Variants in COL4A2 observed in about 807,000 individuals in gnomAD.
COL4A2 encodes collagen alpha-2(IV) chain.
COL4A2 carries 99 observed loss-of-function variants against 200.2 expected under a neutral mutation model. That is an observed-to-expected ratio of 0.49 (90% CI 0.42 to 0.58). The LOEUF is 0.58. COL4A2 is among the 20% of genes least tolerant of loss of function. The pLI is 0.00. For missense variants in COL4A2, 1,950 were observed against 2,314.1 expected (o/e 0.84, Z 3.23); for synonymous variants, 897 against 900.6 (o/e 1.00, Z 0.07).
rs12874316 is a variant in COL4A2 at position 110,497,897 on chromosome 13, C to G, written c.3760+2430C>G. Among the ~76,000 whole-genome samples the G allele has an allele frequency of 3.8e-3, 170 of 44,170 alleles. 16 individuals carry two copies. The highest frequency in any genetic ancestry group is 0.019 in the African/African-American group (152 of 7,884). 29.0% of individuals were successfully genotyped at this position (44,170 alleles called of 152,430 possible). A position where few individuals can be genotyped will look rare whatever the true frequency, so the allele number is the denominator to read the frequency against. ...GGGGTGAGGATCTGGGGTCAGTCCA[C>G]CAGCACAGCCTCAGTCAGGGGTGAG... On this transcript the variant is annotated intron_variant, in intron 40 of 47. Transcript: ENST00000360467.
chr13:110,394,323 G>T (rs1039414358), intron 4 of COL4A2, among the ~76,000 whole-genome samples: 1 of 152,176 alleles, frequency 6.6e-6, no homozygotes, highest in African/African-American at 2.4e-5. Flanking sequence ...GAGCAGAGAG[G>T]CTCAGTAGTT....
At chr13:110,326,737 G>T (rs1267663785) in intron 3 of COL4A2, among the ~76,000 whole-genome samples, 1 of 152,144 alleles carries the variant, frequency 6.6e-6, no homozygotes, top group African/African-American at 2.4e-5. Context: ...GTGCCCAGTG[G>T]AACCCCCTAC....
intron 4 of COL4A2, among the ~76,000 whole-genome samples, chr13:110,360,319 T>C (rs1877461614): frequency 6.6e-6 from 1 of 152,240 alleles, no homozygotes; most frequent in African/African-American, 2.4e-5. Context: ...TTTCACTTTC[T>C]ATGATTATTT....
At chr13:110,387,474 T>C (rs912916773) in intron 4 of COL4A2, among the ~76,000 whole-genome samples, 4 of 152,096 alleles carry the variant, frequency 2.6e-5, no homozygotes, top group African/African-American at 9.7e-5. Context: ...CTGAAATGTG[T>C]AGGGACAAGG....
At chr13:110,346,658 G>T (rs1053318069) in intron 3 of COL4A2, among the ~76,000 whole-genome samples, 10 of 152,162 alleles carry the variant, frequency 6.6e-5, no homozygotes, top group Admixed American at 2.6e-4. Context: ...CACCTGTGCT[G>T]CCCAGCTCAA....
chr13:110,396,861 T>G (rs990261762), intron 4 of COL4A2, among the ~76,000 whole-genome samples: 1 of 152,224 alleles, frequency 6.6e-6, no homozygotes, highest in African/African-American at 2.4e-5. Flanking sequence ...TTTTTTAAAC[T>G]GTTGAACGTG....
chr13:110,420,461 C>T (rs1309996880), intron 4 of COL4A2, among the ~76,000 whole-genome samples: 18 of 85,558 alleles, frequency 2.1e-4, no homozygotes, highest in East Asian at 5.6e-4. Context: ...CTGTCCACAG[C>T]GTCTCCTGGC....
intron 38 of COL4A2, among the ~76,000 whole-genome samples, chr13:110,492,553 G>A (rs1883318842): frequency 2.0e-5 from 3 of 152,206 alleles, no homozygotes. Flanking sequence ...CCTCCTTACA[G>A]CCCCGAGACG....
intron 3 of COL4A2, among the ~76,000 whole-genome samples, chr13:110,336,851 G>A (rs1460220490): frequency 1.3e-5 from 2 of 152,228 alleles, no homozygotes; most frequent in Non-Finnish European, 2.9e-5. Context: ...CTCTGAAGCA[G>A]TTCATGGGAA....
intron 24 of COL4A2, among the ~76,000 whole-genome samples, chr13:110,464,822 G>A (rs1882170325): frequency 1.3e-5 from 2 of 152,088 alleles, no homozygotes; most frequent in South Asian, 4.2e-4. Context: ...CATCACTGCT[G>A]CCAGCCTCCC....
At chr13:110,429,528 G>C (rs9588160) in intron 7 of COL4A2, among the ~76,000 whole-genome samples, 4,987 of 152,234 alleles carry the variant, frequency 0.033, 272 homozygotes, top group African/African-American at 0.11. Flanking sequence ...GTGTTAATAT[G>C]TTCAGTACAC....
intron 45 of COL4A2, among the ~76,000 whole-genome samples, chr13:110,505,683 G>A (rs777972077): frequency 4.6e-5 from 7 of 152,190 alleles, no homozygotes; most frequent in South Asian, 2.1e-4. Context: ...TGTGCTCCTC[G>A]GGTAGGAGTT....
intron 47 of COL4A2, 23 bp from the exon 48 acceptor site, chr13:110,511,911 G>A: frequency 6.2e-7 from 1 of 1,613,068 alleles, no homozygotes; most frequent in Non-Finnish European, 8.5e-7. Context: ...TCCTAACCCT[G>A]TCCTGCCCCC....
chr13:110,455,248 C>A (rs1881682077), intron 20 of COL4A2, among the ~76,000 whole-genome samples: 1 of 152,140 alleles, frequency 6.6e-6, no homozygotes, highest in Non-Finnish European at 1.5e-5. Context: ...CGGTTTCTTC[C>A]CCTCCCTTTG....
At position 110,430,405 on chromosome 13, in the gene COL4A2, A is replaced by G. The variant is rs1275221618; in HGVS notation, c.554A>G (p.Glu185Gly). The change falls in exon 9 of 48, where the codon GAA (glutamate) becomes GGA (glycine). Residue 185 changes from glutamate (E) to glycine (G), a missense_variant. Physicochemically the swap from Glu to Gly is moderately conservative, Grantham distance 98. Around this residue, in one of 2 missense-constraint regions of COL4A2, gnomAD observed 565 missense variants for 593.5 expected, o/e 0.95. Coordinates refer to ENST00000360467, the MANE Select transcript of COL4A2 (RefSeq NM_001846.4). ...PKEERDRYRG[E>G]PGEPGLVGFQ... is the part of the protein sequence containing the mutation. Reference sequence around the variant, plus strand: ...AAATTATTTCTTCTCCATTAGGGTGAACCTGGAGAGCCTGGATTGGTCGGT... The same window carrying G: ...AAATTATTTCTTCTCCATTAGGGTGGACCTGGAGAGCCTGGATTGGTCGGT... 6.2e-7 allele frequency: 1 copy of G among 1,613,982 alleles called. No individual in the cohort carries two copies. The highest frequency in any genetic ancestry group is 1.7e-5 in the Admixed American group (1 of 59,952).
chr13:110,364,918 T>C (rs1024060118), intron 4 of COL4A2, among the ~76,000 whole-genome samples: 1 of 152,250 alleles, frequency 6.6e-6, no homozygotes. Context: ...TCCTGTTCAC[T>C]AGCCACACCT....
At chr13:110,478,521 G>A (rs2281971) in intron 30 of COL4A2, among the ~76,000 whole-genome samples, 26,226 of 152,274 alleles carry the variant, frequency 0.17, 2,326 homozygotes, top group Non-Finnish European at 0.19. Context: ...GGCTCCGTCA[G>A]GGAAACCTGG....
Position 110,307,629 on chromosome 13 carries a change from G to C in COL4A2, c.-45+101G>C, listed in dbSNP as rs985295012. On this transcript the variant is annotated intron_variant, in intron 1 of 47. Transcript: ENST00000360467. This position sits in a 1 kb window ranked among gnomAD's most constrained non-coding sequence, Gnocchi z 5.0. The stretch of plus-strand genomic sequence containing the variant: ...CTGCACGCTCTCCTGCTTGGGAGTA[G>C]AAAGGGGGAGGGTGGGAGAGCGAAG... 2 of 548,920 alleles carry C rather than the reference G, an allele frequency of 3.6e-6. No homozygotes were observed. The highest frequency in any genetic ancestry group is 6.4e-6 in the Non-Finnish European group (2 of 312,176). 34.0% of individuals were successfully genotyped at this position (548,920 alleles called of 1,614,324 possible).
At chr13:110,497,242 T>C (rs1401266318) in intron 40 of COL4A2, among the ~76,000 whole-genome samples, 1 of 144,680 alleles carries the variant, frequency 6.9e-6, no homozygotes. Flanking sequence ...GGTGAAGATC[T>C]AGGTCAATCC....
Sources: allele counts gnomAD v4.1 joint callset (sites outside exome capture counted in the v4.1 genomes callset), GRCh38; gene constraint gnomAD v4.1.1; regional missense constraint gnomAD v4.1.1; non-coding constraint Gnocchi (gnomAD v3.1); transcripts MANE v1.5; gene names NCBI Gene and HGNC (gene_info 2026-07-23, HGNC 2026-07-21).